The following PDE1A variants were observed in gnomAD, a reference collection of about 807,000 sequenced individuals.
PDE1A encodes the protein dual specificity calcium/calmodulin-dependent 3',5'-cyclic nucleotide phosphodiesterase 1A.
PDE1A carries 35 observed loss-of-function variants against 61.7 expected under a neutral mutation model. The observed-to-expected ratio is 0.57, with a 90% CI of 0.43 to 0.75. The LOEUF is 0.75. Among genes scored for constraint, PDE1A ranks in the 30% least tolerant of loss-of-function variants. PDE1A has a pLI of 0.00. For missense variants in PDE1A, 597 were observed against 630.6 expected (o/e 0.95, Z 0.57); for synonymous variants, 232 against 213.2 (o/e 1.09, Z -0.77).
intron 1 of PDE1A, among the ~76,000 whole-genome samples, chr2:182,416,521 T>C (rs1702927022): frequency 6.6e-6 from 1 of 152,340 alleles, no homozygotes. Context: ...AAACATTAAC[T>C]ATTCCTTCAA....
intron 1 of PDE1A, among the ~76,000 whole-genome samples, chr2:182,391,737 C>A (rs190219863): frequency 1.4e-4 from 21 of 152,182 alleles, no homozygotes; most frequent in African/African-American, 5.1e-4. Context: ...GGTGTAGTTA[C>A]CATAATGAAC....
intron 2 of PDE1A, among the ~76,000 whole-genome samples, chr2:182,245,310 A>G (rs1261578522): frequency 6.6e-6 from 1 of 152,176 alleles, no homozygotes; most frequent in African/African-American, 2.4e-5. Flanking sequence ...TTATTGTGGT[A>G]CAGTTATTTC....
At chr2:182,440,789 G>GT (rs11394200) in intron 2 of PDE1A, among the ~76,000 whole-genome samples, 69,520 of 149,786 alleles carry the variant, frequency 0.46, 16,230 homozygotes, top group East Asian at 0.65. Flanking sequence ...ATTTTCATGG[G>GT]TTTTTTTTTG....
the PDE1A span, among the ~76,000 whole-genome samples, chr2:182,707,484 TAATAA>T: frequency 6.6e-6 from 1 of 152,236 alleles, no homozygotes; most frequent in Non-Finnish European, 1.5e-5. Flanking sequence ...TGCTAAAAGA[TAATAA>T]AGGAACTGTG....
At chr2:182,430,253 T>A (rs1216560856), upstream of PDE1A, among the ~76,000 whole-genome samples, 1 of 137,994 alleles carries the variant, frequency 7.2e-6, no homozygotes, top group Non-Finnish European at 1.5e-5. Context: ...CTCAAACAAA[T>A]TTACAAGAAA....
intron 1 of PDE1A, among the ~76,000 whole-genome samples, chr2:182,387,048 G>A (rs1487919474): frequency 6.6e-6 from 1 of 152,182 alleles, no homozygotes; most frequent in Admixed American, 6.5e-5. Context: ...AGTAGACATG[G>A]GAGACTTCAT....
intron 2 of PDE1A, among the ~76,000 whole-genome samples, chr2:182,486,391 CA>C: frequency 6.6e-6 from 1 of 151,926 alleles, no homozygotes; most frequent in East Asian, 1.9e-4. Flanking sequence ...TCTACAGAAA[CA>C]ATAATATTTC....
chr2:182,377,414 A>G (rs1700476079), intron 1 of PDE1A, among the ~76,000 whole-genome samples: 1 of 152,190 alleles, frequency 6.6e-6, no homozygotes, highest in South Asian at 2.1e-4. Flanking sequence ...CAGATGTCAG[A>G]GCGATGCTTC....
intron 1 of PDE1A, among the ~76,000 whole-genome samples, chr2:182,265,784 T>G (rs998607371): frequency 6.6e-6 from 1 of 152,186 alleles, no homozygotes; most frequent in Non-Finnish European, 1.5e-5. Context: ...TATTCCTTAC[T>G]CTCTCCATAC....
At chr2:182,414,151 T>C (rs532538812) in intron 1 of PDE1A, among the ~76,000 whole-genome samples, 85 of 152,192 alleles carry the variant, frequency 5.6e-4, no homozygotes, top group African/African-American at 2.0e-3. Flanking sequence ...AAGAAGTTAA[T>C]GGGAAGACAT....
At chr2:182,609,442 T>G in the PDE1A span, among the ~76,000 whole-genome samples, 12 of 152,362 alleles carry the variant, frequency 7.9e-5, no homozygotes, top group Non-Finnish European at 2.9e-5. Flanking sequence ...ATCTTGCTGT[T>G]GCTCACTCGT....
At chr2:182,387,276 A>G (rs192270075) in intron 1 of PDE1A, among the ~76,000 whole-genome samples, 1,903 of 152,268 alleles carry the variant, frequency 0.012, 24 homozygotes, top group South Asian at 0.047. Context: ...GGACACAAAC[A>G]CTGCGGAAGG....
chr2:182,385,178 A>G (rs1049653806), intron 1 of PDE1A, among the ~76,000 whole-genome samples: 2 of 152,234 alleles, frequency 1.3e-5, no homozygotes, highest in African/African-American at 4.8e-5. Flanking sequence ...GAATTATTCA[A>G]GTTGAAAGAA....
the PDE1A span, among the ~76,000 whole-genome samples, chr2:182,626,724 T>C: frequency 1.1e-3 from 15 of 13,128 alleles, 4 homozygotes; most frequent in African/African-American, 1.5e-3. Flanking sequence ...GCTTTATATA[T>C]ATATATATAT....
intron 1 of PDE1A, among the ~76,000 whole-genome samples, chr2:182,296,417 A>C (rs999344508): frequency 6.6e-6 from 1 of 152,216 alleles, no homozygotes; most frequent in Admixed American, 6.5e-5. Flanking sequence ...TGGATGTCTG[A>C]GTATATGTGG....
the PDE1A span, among the ~76,000 whole-genome samples, chr2:182,681,668 G>A: frequency 1.3e-5 from 2 of 149,136 alleles, no homozygotes; most frequent in Non-Finnish European, 3.0e-5. Context: ...TTGTTTTTTT[G>A]TTTTGAGATG....
the PDE1A span, among the ~76,000 whole-genome samples, chr2:182,552,561 C>T: frequency 3.4e-5 from 5 of 148,466 alleles, no homozygotes; most frequent in Admixed American, 6.9e-5. Flanking sequence ...CCTAGGCCAA[C>T]TAAGAATCCC....
At chr2:182,606,614 T>C in the PDE1A span, among the ~76,000 whole-genome samples, 1 of 149,086 alleles carries the variant, frequency 6.7e-6, no homozygotes, top group Non-Finnish European at 1.5e-5. Flanking sequence ...GATGTTATAA[T>C]ATAGAAAAAG....
At chr2:182,424,308 A>G (rs1480192343) in intron 1 of PDE1A, among the ~76,000 whole-genome samples, 1 of 152,222 alleles carries the variant, frequency 6.6e-6, no homozygotes, top group Non-Finnish European at 1.5e-5. Flanking sequence ...TACTATTTTC[A>G]TAAAATGTCC....
Sources: allele counts gnomAD v4.1 joint callset (sites outside exome capture counted in the v4.1 genomes callset), GRCh38; gene constraint gnomAD v4.1.1; transcripts MANE v1.5; gene names NCBI Gene and HGNC (gene_info 2026-07-23, HGNC 2026-07-21).